The following CCDC93 variants were observed in gnomAD, a reference collection of about 807,000 sequenced individuals.
CCDC93 encodes the protein coiled-coil domain-containing protein 93.
In CCDC93, 61 loss-of-function variants were observed where a neutral mutation model predicts 108.2. That is an observed-to-expected ratio of 0.56 (90% CI 0.46 to 0.70). The LOEUF is 0.70. Ranked by LOEUF, CCDC93 falls within the 30% of genes least tolerant of loss-of-function variation. The pLI, the probability that CCDC93 is intolerant of heterozygous loss-of-function variation, is 0.00. For missense variants in CCDC93, 685 were observed against 764.2 expected, an observed-to-expected ratio of 0.90 and a Z score of 1.22; for synonymous variants, 276 against 260.4, an observed-to-expected ratio of 1.06 and a Z score of -0.58.
intron 12 of CCDC93, among the ~76,000 whole-genome samples, chr2:117,955,700 T>C (rs1679195547): frequency 6.6e-6 from 1 of 152,176 alleles, no homozygotes; most frequent in Non-Finnish European, 1.5e-5. Context: ...CTGTGTGAAC[T>C]GAATGAGTTA....
At chr2:117,931,589 C>T (rs916033370) in intron 22 of CCDC93, 1 of 155,162 alleles carries the variant, frequency 6.4e-6, no homozygotes, top group Non-Finnish European at 1.4e-5. Flanking sequence ...ATTATCTAGC[C>T]CGAAATGTTA....
chr2:117,969,995 T>C (rs976210582), intron 11 of CCDC93, among the ~76,000 whole-genome samples: 1 of 152,202 alleles, frequency 6.6e-6, no homozygotes, highest in African/African-American at 2.4e-5. Context: ...TGATTCCCAT[T>C]GGTATGTGTT....
At chr2:117,938,885 G>T in intron 20 of CCDC93, 144 bp downstream of exon 20, 1 of 530,412 alleles carries the variant, frequency 1.9e-6, no homozygotes, top group Non-Finnish European at 3.4e-6. Context: ...TTTCTGACTG[G>T]GTATGCCAGC....
intron 6 of CCDC93, among the ~76,000 whole-genome samples, chr2:117,986,876 A>G (rs1680336292): frequency 6.6e-6 from 1 of 152,164 alleles, no homozygotes; most frequent in Non-Finnish European, 1.5e-5. Flanking sequence ...ACAGACTTGC[A>G]GGGAGATGCA....
intron 7 of CCDC93, among the ~76,000 whole-genome samples, chr2:117,983,726 T>A (rs1013587076): frequency 2.9e-4 from 40 of 140,254 alleles, no homozygotes; most frequent in African/African-American, 1.1e-3. Flanking sequence ...CAGTGGAGAA[T>A]GCTGAACAGA....
intron 20 of CCDC93, 62 bp downstream of exon 20, chr2:117,938,967 A>C (rs1417954864): frequency 1.2e-6 from 1 of 855,848 alleles, no homozygotes; most frequent in Non-Finnish European, 1.9e-6. Flanking sequence ...AGTTCATTTG[A>C]CTTCCTGGAG....
Position 117,931,078 on chromosome 2 carries a change from T to C in CCDC93, c.1801A>G (p.Lys601Glu), listed in dbSNP as rs748902253. Residue 601 changes from lysine to glutamate, a missense_variant, in exon 23 of 24, where the codon AAG (lysine) becomes GAG (glutamate). Transcript: ENST00000376300. ...ACAGTCTTAAAGTATAGCCTCTGCT[T>C]TTCTAACAGCTCCAAGTACTGGTCG... ...LNDQYLELLE[K>E]QRLYFKTVKE... 13 of 1,613,820 alleles carry C rather than the reference T, an allele frequency of 8.1e-6. No individual in the cohort carries two copies. Among genetic ancestry groups the C allele is most frequent in the South Asian group, 1.1e-5 (1 of 91,064 alleles).
rs200655821 is a variant in CCDC93 at position 117,945,482 on chromosome 2, G to T, written c.1350+47C>A. The T allele has an allele frequency of 3.9e-6, 6 of 1,534,330 alleles. No individual in the cohort carries two copies. The East Asian group carries it at 1.1e-4, about 29-fold the overall frequency. ...ATCACAGGAGAGTGGAAAGCTGGCC[G>T]CCTGCCCTCAGGAGACAATGCCAGT... On this transcript the variant is annotated intron_variant, in intron 17 of 23. Transcript: ENST00000376300.
intron 6 of CCDC93, among the ~76,000 whole-genome samples, chr2:117,986,394 A>T (rs1680321160): frequency 6.6e-6 from 1 of 152,064 alleles, no homozygotes; most frequent in South Asian, 2.1e-4. Context: ...CCCCAAATCA[A>T]TGTCCTTCTT....
intron 6 of CCDC93, among the ~76,000 whole-genome samples, chr2:117,989,268 T>C (rs1573517546): frequency 1.3e-5 from 2 of 152,138 alleles, no homozygotes; most frequent in African/African-American, 2.4e-5. Context: ...GACTCCCCCC[T>C]GTGTGATGCT....
intron 23 of CCDC93, among the ~76,000 whole-genome samples, chr2:117,927,272 C>G (rs1295353709): frequency 6.6e-6 from 1 of 151,930 alleles, no homozygotes; most frequent in Non-Finnish European, 1.5e-5. Flanking sequence ...CTGGTCAGGG[C>G]AATCAAGCAG....
rs746411349 is a variant in CCDC93 at position 117,951,559 on chromosome 2, C to T, written c.1068+814G>A. On this transcript the variant is annotated intron_variant, in intron 13 of 23. Transcript: ENST00000376300. ...AGGGATACTGGGTTGGTTTCGGAGA[C>T]GTCTTTGAAGATCCTAGCTTCCAAA... The T allele has an allele frequency of 9.0e-6, 9 of 999,366 alleles. No individual in the cohort carries two copies. The South Asian group carries it at 1.4e-4, about 16-fold the overall frequency. 61.9% of individuals were successfully genotyped at this position (999,366 alleles called of 1,614,324 possible).
At position 117,995,262 on chromosome 2, in the gene CCDC93, T is replaced by C. The variant is rs1032215807; in HGVS notation, c.519+184A>G. The C allele has an allele frequency of 5.5e-5, 34 of 618,256 alleles. No individual in the cohort carries two copies. The Middle Eastern group carries it at 1.3e-3, about 24-fold the overall frequency. The allele number at this position is 618,256 out of a possible 1,614,324, so 38.3% of individuals were successfully genotyped here. A position where few individuals can be genotyped will look rare whatever the true frequency, so the allele number is the denominator to read the frequency against. On this transcript the variant is annotated intron_variant, in intron 6 of 23. Coordinates refer to ENST00000376300, the MANE Select transcript of CCDC93 (RefSeq NM_019044.5). ...ACAGTAGTGTGGCAGGTTCTCCCTG[T>C]GCATACTGGTGTCCTGGCCCTGAGC...
rs746616976 is a variant in CCDC93, at chr2:117,980,522, CTCT to C, written c.621-2495_621-2493del. On this transcript the variant is annotated intron_variant, in intron 7 of 23. Transcript: ENST00000376300. ...ATCTACTCCTCCTTAAAGACAGAGG[CTCT>C]GGGAAGACTCTTTTAGTAAGCCCTC... Among the ~76,000 whole-genome samples, 39 of 152,272 alleles carry C rather than the reference CTCT, an allele frequency of 2.6e-4. No individual in the cohort carries two copies. In the South Asian group the frequency reaches 4.6e-3, roughly 18 times the overall value.
intron 1 of CCDC93, 82 bp downstream of exon 1, chr2:118,013,872 G>T (rs2104842379): frequency 1.5e-6 from 2 of 1,312,932 alleles, no homozygotes; most frequent in South Asian, 1.4e-5. Context: ...AACGCACCCA[G>T]GGCCCGCTCA....
At chr2:117,977,965 T>C (rs756382615) in intron 8 of CCDC93, 29 bp downstream of exon 8, 8 of 1,604,332 alleles carry the variant, frequency 5.0e-6, no homozygotes, top group African/African-American at 2.7e-5. Flanking sequence ...CTCTCAAGTA[T>C]TCTCTCTTAC....
intron 12 of CCDC93, among the ~76,000 whole-genome samples, chr2:117,954,896 G>C (rs564793886): frequency 6.6e-6 from 1 of 150,410 alleles, no homozygotes; most frequent in African/African-American, 2.4e-5. Flanking sequence ...TCCCCTGCTT[G>C]TACTTCTCCT....
rs1008923589 is a variant in CCDC93, at chr2:117,918,478, G to A, written c.*1865C>T. On this transcript the variant is annotated 3_prime_UTR_variant, in exon 24 of 24. Transcript: ENST00000376300. ...CCATACTTTCCCCATCAGCACAGAGGTGGACTCCAGTAACCCCAGAATGTC... is the reference window on the plus strand; with the variant it reads ...CCATACTTTCCCCATCAGCACAGAGATGGACTCCAGTAACCCCAGAATGTC... The A allele has an allele frequency of 1.2e-4, 18 of 152,196 alleles. No homozygotes were observed. Among genetic ancestry groups the A allele is most frequent in the African/African-American group, 4.3e-4 (18 of 41,436 alleles). The allele number at this position is 152,196 out of a possible 1,614,324, so 9.4% of individuals were successfully genotyped here.
In CCDC93 at chr2:117,958,573, C is replaced by T; in HGVS notation, c.889-92G>A. 3.8e-6 allele frequency: 3 copies of T among 787,716 alleles called. No individual in the cohort carries two copies. In the Admixed American group the frequency reaches 5.6e-5, roughly 15 times the overall value. 48.8% of individuals were successfully genotyped at this position (787,716 alleles called of 1,614,324 possible). On this transcript the variant is annotated intron_variant, in intron 11 of 23. Transcript: ENST00000376300. ...CCTGTTCAATGTGGGCAAAGCAGTACTGGGCAGCCAGTCACACCAAGCCAG... is the reference window on the plus strand; with the variant it reads ...CCTGTTCAATGTGGGCAAAGCAGTATTGGGCAGCCAGTCACACCAAGCCAG...
Sources: allele counts gnomAD v4.1 joint callset (sites outside exome capture counted in the v4.1 genomes callset), GRCh38; gene constraint gnomAD v4.1.1; transcripts MANE v1.5; gene names NCBI Gene and HGNC (gene_info 2026-07-23, HGNC 2026-07-21).